The following EPN1 variants were observed in gnomAD, a reference collection of about 807,000 sequenced individuals.
The protein encoded by EPN1 is epsin-1.
A neutral mutation model predicts 56.9 loss-of-function variants in EPN1; 25 were observed. The observed-to-expected ratio is 0.44, with a 90% confidence interval of 0.32 to 0.61. The LOEUF (loss-of-function observed/expected upper bound fraction) is 0.61, where lower values mean the gene tolerates loss of function less well. Ranked by LOEUF, EPN1 falls within the 20% of genes least tolerant of loss-of-function variation. The probability of loss-of-function intolerance (pLI) is 0.05; values close to 1 mark genes in which losing one functional copy is unlikely to be tolerated. For synonymous variants in EPN1, 411 were observed against 361.8 expected (o/e 1.14, Z -1.54); for missense variants, 785 against 823.7 (o/e 0.95, Z 0.58).
Position 55,708,288 on chromosome 19 carries a change from A to G in EPN1, c.*12932A>G, listed in dbSNP as rs770968071. The stretch of plus-strand genomic sequence containing the variant: ...AGACCAGGCCAATAAGGCATCAGCA[A>G]TTTACCGTAGGGAACTAGGGAATGT... On this transcript the variant is annotated 3_prime_UTR_variant, in exon 11 of 11. Coordinates refer to ENST00000270460, the MANE Select transcript of EPN1 (RefSeq NM_001130072.2). 1.2e-4 allele frequency: 19 copies of G among 152,246 alleles called. No individual in the cohort carries two copies. Among genetic ancestry groups the G allele is most frequent in the Admixed American group, 1.2e-3 (18 of 15,282 alleles). The allele number at this position is 152,246 out of a possible 1,614,324, so 9.4% of individuals were successfully genotyped here.
At chr19:55,684,061 A>T (rs944991539) in intron 2 of EPN1, among the ~76,000 whole-genome samples, 11 of 152,182 alleles carry the variant, frequency 7.2e-5, no homozygotes, top group African/African-American at 2.2e-4. Flanking sequence ...GCAATGGCTT[A>T]CCTGCTTTCC....
At chr19:55,692,127 TGGACAG>T in intron 7 of EPN1, 70 bp downstream of exon 7, 1 of 1,353,908 alleles carries the variant, frequency 7.4e-7, no homozygotes, top group East Asian at 2.9e-5. Context: ...ACTGTGCCCT[TGGACAG>T]GGACAGATCG....
chr19:55,692,190 G>A, intron 7 of EPN1, 133 bp downstream of exon 7: 3 of 823,614 alleles, frequency 3.6e-6, no homozygotes, highest in Non-Finnish European at 5.2e-6. Context: ...TGCAGGGGAG[G>A]GGGCAAGGGC....
chr19:55,678,283 T>C (rs1197916172), intron 1 of EPN1, among the ~76,000 whole-genome samples: 1 of 152,168 alleles, frequency 6.6e-6, no homozygotes, highest in African/African-American at 2.4e-5. Context: ...TGCCAGGAAG[T>C]GCTGAGCCAG....
At chr19:55,682,923 A>C (rs1051693519) in intron 2 of EPN1, among the ~76,000 whole-genome samples, 1 of 149,282 alleles carries the variant, frequency 6.7e-6, no homozygotes, top group Admixed American at 6.7e-5. Flanking sequence ...CGCCTGGCTA[A>C]TTTTTGTATT....
chr19:55,693,127 C>G (rs1041167321), intron 9 of EPN1, 90 bp downstream of exon 9: 7 of 1,295,566 alleles, frequency 5.4e-6, no homozygotes, highest in Non-Finnish European at 7.7e-6. Flanking sequence ...TGTCCCACTC[C>G]AGGCAGGGCC....
At chr19:55,676,278 G>T (rs751866012) in intron 1 of EPN1, among the ~76,000 whole-genome samples, 25 of 152,042 alleles carry the variant, frequency 1.6e-4, no homozygotes, top group Non-Finnish European at 2.9e-4. Context: ...GTTAGATATC[G>T]GTCGGTTATT....
chr19:55,679,482 G>C (rs1222524953), intron 2 of EPN1, among the ~76,000 whole-genome samples: 1 of 152,200 alleles, frequency 6.6e-6, no homozygotes. Context: ...CGTCTGACTT[G>C]GGGCAGGGGC....
chr19:55,677,165 C>T (rs772963550), intron 1 of EPN1: 5 of 1,551,420 alleles, frequency 3.2e-6, no homozygotes, highest in African/African-American at 1.4e-5. Context: ...TTCTTGGAGC[C>T]GCATAGATGG....
rs1461778005 is a variant in EPN1 at position 55,708,928 on chromosome 19, C to G, written c.*13572C>G. On this transcript the variant is annotated 3_prime_UTR_variant, in exon 11 of 11. Transcript: ENST00000270460. ...TGTTCCCCATCAGAGGAGCACACCC[C>G]TGATCTTGTATTCCTCGTCAATCCA... The G allele has an allele frequency of 6.4e-7, 1 of 1,559,780 alleles. No individual in the cohort carries two copies.
chr19:55,685,583 G>A lies in EPN1; in HGVS notation c.416G>A (p.Arg139Gln), dbSNP rs373028104. Reference sequence around the variant, plus strand: ...GTGGCCCTGCTGCGCGACGAGGACCGGCTGCGGGAAGAGCGGGCGCACGCG... The same window carrying A: ...GTGGCCCTGCTGCGCGACGAGGACCAGCTGCGGGAAGAGCGGGCGCACGCG... ...QLVALLRDED[R>Q]LREERAHALK... The change falls in exon 3 of 11, where the codon CGG becomes CAG. Residue 139 changes from arginine (R) to glutamine (Q), a missense_variant. Around this residue, in one of 2 missense-constraint regions of EPN1, gnomAD observed 135 missense variants for 218.7 expected, o/e 0.62. Coordinates refer to ENST00000270460, the MANE Select transcript of EPN1 (RefSeq NM_001130072.2). 1.9e-6 allele frequency: 3 copies of A among 1,608,698 alleles called. No individual in the cohort carries two copies. Among genetic ancestry groups the A allele is most frequent in the African/African-American group, 2.7e-5 (2 of 74,838 alleles).
At position 55,697,966 on chromosome 19, in the gene EPN1, A is replaced by G. The variant is rs1309072136; in HGVS notation, c.*2610A>G. 1 of 152,036 alleles carries G rather than the reference A, an allele frequency of 6.6e-6. No homozygotes were observed. The highest frequency in any genetic ancestry group is 1.5e-5 in the Non-Finnish European group (1 of 68,026). 9.4% of individuals were successfully genotyped at this position (152,036 alleles called of 1,614,324 possible). On this transcript the variant is annotated 3_prime_UTR_variant, in exon 11 of 11. Transcript: ENST00000270460. ...TTTATTCAGGACCATCGAGACAGGT[A>G]CAGGTACCATCAGTGGATGGAAAAT... is the stretch of plus-strand genomic sequence containing the variant.
In EPN1 at chr19:55,689,082, C is replaced by T; in HGVS notation, c.603+88C>T. On this transcript the variant is annotated intron_variant, in intron 4 of 10. Coordinates refer to ENST00000270460, the MANE Select transcript of EPN1 (RefSeq NM_001130072.2). This position sits in a 1 kb window ranked among gnomAD's most constrained non-coding sequence, Gnocchi z 5.7. ...CCTCCCAGCCAGGCGTGGGCCTGGCCCTCACTGTCGCTGCTCCACATGCTG... is the reference window on the plus strand; with the variant it reads ...CCTCCCAGCCAGGCGTGGGCCTGGCTCTCACTGTCGCTGCTCCACATGCTG... 1 of 1,449,074 alleles carries T rather than the reference C, an allele frequency of 6.9e-7. No homozygotes were observed. Among genetic ancestry groups the T allele is most frequent in the Non-Finnish European group, 9.2e-7 (1 of 1,091,432 alleles). The allele number at this position is 1,449,074 out of a possible 1,614,324, so 89.8% of individuals were successfully genotyped here. A position where few individuals can be genotyped will look rare whatever the true frequency, so the allele number is the denominator to read the frequency against.
intron 1 of EPN1, chr19:55,677,110 C>G (rs1985489249): frequency 3.9e-6 from 6 of 1,550,066 alleles, no homozygotes; most frequent in Non-Finnish European, 5.2e-6. Context: ...CCTATCTCCC[C>G]TGGGCTTACA....
Position 55,702,463 on chromosome 19 carries a change from C to CT in EPN1, c.*7108dup, listed in dbSNP as rs1302544344. ...GGGAAAGGAATGTGCTTTAGGCCCACTGTTTTCACTGGGGCCCATCTATGT... is the reference window on the plus strand; with the variant it reads ...GGGAAAGGAATGTGCTTTAGGCCCACTTGTTTTCACTGGGGCCCATCTATGT... On this transcript the variant is annotated 3_prime_UTR_variant, in exon 11 of 11. Transcript: ENST00000270460. 2 of 152,228 alleles carry CT rather than the reference C, an allele frequency of 1.3e-5. No homozygotes were observed. The highest frequency in any genetic ancestry group is 4.8e-5 in the African/African-American group (2 of 41,454). 9.4% of individuals were successfully genotyped at this position (152,228 alleles called of 1,614,324 possible).
intron 2 of EPN1, among the ~76,000 whole-genome samples, chr19:55,679,076 A>G (rs1465557001): frequency 6.6e-6 from 1 of 152,270 alleles, no homozygotes; most frequent in Admixed American, 6.5e-5. Flanking sequence ...CGTACGTAAG[A>G]TTCATGTGCT....
intron 2 of EPN1, among the ~76,000 whole-genome samples, chr19:55,681,280 G>A (rs1353158540): frequency 6.6e-6 from 1 of 152,174 alleles, no homozygotes; most frequent in Non-Finnish European, 1.5e-5. Context: ...TGAAATCCAC[G>A]GTTACCCTGT....
In EPN1 at chr19:55,709,135, CTTT is replaced by C; in HGVS notation, c.*13780_*13782del. On this transcript the variant is annotated 3_prime_UTR_variant, in exon 11 of 11. Coordinates refer to ENST00000270460, the MANE Select transcript of EPN1 (RefSeq NM_001130072.2). ...TTCTGATGTCTACCTCTCCTCTCCT[CTTT>C]ATTCTTTCCTAGAAATCACTGGGAG... The C allele has an allele frequency of 1.2e-6, 1 of 848,814 alleles. No homozygotes were observed. Among genetic ancestry groups the C allele is most frequent in the South Asian group, 2.2e-5 (1 of 46,360 alleles). 52.6% of individuals were successfully genotyped at this position (848,814 alleles called of 1,614,324 possible).
chr19:55,676,312 C>T (rs565103302), intron 1 of EPN1, among the ~76,000 whole-genome samples: 13 of 152,288 alleles, frequency 8.5e-5, no homozygotes, highest in African/African-American at 2.9e-4. Context: ...GAGAACTTTG[C>T]CATATCCTTT....
Sources: allele counts gnomAD v4.1 joint callset (sites outside exome capture counted in the v4.1 genomes callset), GRCh38; gene constraint gnomAD v4.1.1; regional missense constraint gnomAD v4.1.1; non-coding constraint Gnocchi (gnomAD v3.1); transcripts MANE v1.5; gene names NCBI Gene and HGNC (gene_info 2026-07-23, HGNC 2026-07-21).